The following LYPD6 variants were observed in gnomAD, a reference collection of about 807,000 sequenced individuals.
LYPD6 encodes LY6/PLAUR domain containing 6, also known as ly6/PLAUR domain-containing protein 6.
In LYPD6, 15 loss-of-function variants were observed where a neutral mutation model predicts 22.7. The observed-to-expected ratio is 0.66, with a 90% CI of 0.44 to 1.02. The LOEUF (loss-of-function observed/expected upper bound fraction) is 1.02. Among genes scored for constraint, LYPD6 ranks in the 50% least tolerant of loss-of-function variants. The pLI, the probability that LYPD6 is intolerant of heterozygous loss-of-function variation, is 0.00. For missense variants in LYPD6, 189 were observed against 208.4 expected (o/e 0.91, Z 0.57); for synonymous variants, 72 against 77.5 (o/e 0.93, Z 0.37).
intron 1 of LYPD6, among the ~76,000 whole-genome samples, chr2:149,433,545 A>T (rs942671689): frequency 3.9e-5 from 6 of 152,160 alleles, no homozygotes; most frequent in African/African-American, 1.4e-4. Flanking sequence ...TTGTTTTCTC[A>T]TGAGGCACCC....
At chr2:149,347,650 G>T (rs1313008003) in intron 1 of LYPD6, among the ~76,000 whole-genome samples, 1 of 152,032 alleles carries the variant, frequency 6.6e-6, no homozygotes, top group African/African-American at 2.4e-5. Context: ...TTTTTTGAGT[G>T]GGTATTTGTG....
rs973099897 is a variant in LYPD6, at chr2:149,375,865, G to A, written c.-72+45143G>A. Among the ~76,000 whole-genome samples, 10 of 152,308 alleles carry A rather than the reference G, an allele frequency of 6.6e-5. No homozygotes were observed. The South Asian group carries it at 8.3e-4, about 13-fold the overall frequency. ...ATACTGAGAGAGTTAGACAGGATGT[G>A]ACTAACGAGAACAATGCCATCAATA... On this transcript the variant is annotated intron_variant, in intron 1 of 4. Coordinates refer to ENST00000334166, the MANE Select transcript of LYPD6 (RefSeq NM_194317.5).
In LYPD6 at chr2:149,437,952, G is replaced by A. The variant is rs538408605; in HGVS notation, c.118+126G>A. On this transcript the variant is annotated intron_variant, in intron 2 of 4. Coordinates refer to ENST00000334166, the MANE Select transcript of LYPD6 (RefSeq NM_194317.5). ...TCCCGTGATTTAACTGGGGTGGTGC[G>A]GTAATTTACAAAAGATGTTTTATGC... 1.3e-3 allele frequency: 1,353 copies of A among 1,052,138 alleles called. 18 individuals carry two copies. Among genetic ancestry groups the A allele is most frequent in the South Asian group, 0.012 (807 of 66,036 alleles). The allele number at this position is 1,052,138 out of a possible 1,614,324, so 65.2% of individuals were successfully genotyped here. A position where few individuals can be genotyped will look rare whatever the true frequency, so the allele number is the denominator to read the frequency against.
chr2:149,370,074 C>T (rs1195073735), intron 1 of LYPD6, among the ~76,000 whole-genome samples: 7 of 152,062 alleles, frequency 4.6e-5, no homozygotes, highest in Non-Finnish European at 7.4e-5. Context: ...GGGTGAGCTG[C>T]TAAGAAATTA....
intron 1 of LYPD6, among the ~76,000 whole-genome samples, chr2:149,417,347 A>T (rs1055522330): frequency 5.3e-5 from 8 of 152,314 alleles, no homozygotes; most frequent in African/African-American, 1.7e-4. Context: ...GCAGTGGGGA[A>T]CCATTGACAG....
intron 1 of LYPD6, among the ~76,000 whole-genome samples, chr2:149,424,089 T>C (rs956388428): frequency 1.3e-5 from 2 of 151,794 alleles, no homozygotes; most frequent in Non-Finnish European, 2.9e-5. Flanking sequence ...CAAATTCTTT[T>C]CTTCTTCCAA....
intron 1 of LYPD6, among the ~76,000 whole-genome samples, chr2:149,346,828 G>A (rs558015529): frequency 2.6e-5 from 4 of 152,268 alleles, no homozygotes; most frequent in East Asian, 3.9e-4. Flanking sequence ...AGCCTCCCAA[G>A]TAGCTGGGAC....
chr2:149,467,868 A>G (rs1019375657), intron 3 of LYPD6, among the ~76,000 whole-genome samples: 2 of 152,090 alleles, frequency 1.3e-5, no homozygotes, highest in Non-Finnish European at 2.9e-5. Context: ...TTACACATTA[A>G]AAGTTCCCCC....
chr2:149,457,911 A>T (rs928962300), intron 3 of LYPD6, among the ~76,000 whole-genome samples: 1 of 152,200 alleles, frequency 6.6e-6, no homozygotes, highest in Non-Finnish European at 1.5e-5. Flanking sequence ...AGTCTCATAT[A>T]TTCTAGACTT....
At chr2:149,464,186 C>A in intron 3 of LYPD6, 3 of 376,580 alleles carry the variant, frequency 8.0e-6, no homozygotes, top group Admixed American at 4.1e-5. Flanking sequence ...AGAAGAAAAG[C>A]CAGATATCCC....
chr2:149,378,099 C>T (rs1214624223), intron 1 of LYPD6, among the ~76,000 whole-genome samples: 1 of 152,004 alleles, frequency 6.6e-6, no homozygotes, highest in Non-Finnish European at 1.5e-5. Flanking sequence ...TAGTAATAAT[C>T]AAGGGAGTAT....
intron 1 of LYPD6, among the ~76,000 whole-genome samples, chr2:149,399,724 A>G (rs557005146): frequency 1.6e-4 from 23 of 142,350 alleles, no homozygotes; most frequent in Non-Finnish European, 1.5e-5. Context: ...TTATAAGTAT[A>G]TGGATAAATA....
intron 3 of LYPD6, among the ~76,000 whole-genome samples, chr2:149,462,106 C>T (rs911248491): frequency 6.7e-6 from 1 of 149,726 alleles, no homozygotes; most frequent in Non-Finnish European, 1.5e-5. Flanking sequence ...ATATGACTGT[C>T]CTTTTTCACA....
At chr2:149,332,293 A>C (rs919060728) in intron 1 of LYPD6, among the ~76,000 whole-genome samples, 1 of 152,208 alleles carries the variant, frequency 6.6e-6, no homozygotes, top group African/African-American at 2.4e-5. Flanking sequence ...AAATTGTGAA[A>C]TGGTTCCTTG....
chr2:149,434,862 T>A lies in LYPD6; in HGVS notation c.-71-2776T>A, dbSNP rs139472202. Among the ~76,000 whole-genome samples, 1,419 of 152,242 alleles carry A rather than the reference T, an allele frequency of 9.3e-3. 27 individuals carry two copies. Among genetic ancestry groups the A allele is most frequent in the African/African-American group, 0.033 (1,362 of 41,538 alleles). On this transcript the variant is annotated intron_variant, in intron 1 of 4. Transcript: ENST00000334166. ...CAGATCAATTATACTCTTTTAAAAT[T>A]ATGAAACATCATCATCACTGGGACA...
intron 1 of LYPD6, among the ~76,000 whole-genome samples, chr2:149,389,661 G>C (rs945257451): frequency 3.3e-5 from 5 of 152,100 alleles, no homozygotes; most frequent in Admixed American, 6.6e-5. Context: ...CAGCGCAATG[G>C]GGTTTAGGTT....
intron 2 of LYPD6, among the ~76,000 whole-genome samples, chr2:149,440,952 G>A (rs536722527): frequency 5.9e-5 from 9 of 151,776 alleles, no homozygotes; most frequent in African/African-American, 1.7e-4. Flanking sequence ...TGATCTGCCC[G>A]CCTCGGCCTC....
intron 1 of LYPD6, among the ~76,000 whole-genome samples, chr2:149,388,944 A>G (rs1004510314): frequency 1.3e-5 from 2 of 152,164 alleles, no homozygotes; most frequent in African/African-American, 4.8e-5. Context: ...GGATGGACTG[A>G]GAAAATTCTG....
chr2:149,441,244 C>T (rs2105154336), intron 2 of LYPD6, among the ~76,000 whole-genome samples: 1 of 152,234 alleles, frequency 6.6e-6, no homozygotes, highest in South Asian at 2.1e-4. Flanking sequence ...ATAGTCACCT[C>T]ACTTTGTAGA....
Sources: gnomAD v4.1 joint callset for allele counts (sites outside exome capture counted in the v4.1 genomes callset) on GRCh38, gnomAD v4.1.1 for gene constraint, MANE v1.5 for transcripts, NCBI Gene and HGNC (gene_info 2026-07-23, HGNC 2026-07-21) for gene names.